The following PKHD1L1 variants were observed in gnomAD, a reference collection of about 807,000 sequenced individuals.
PKHD1L1 encodes the protein fibrocystin-L.
A neutral mutation model predicts 462.9 loss-of-function variants in PKHD1L1; 434 were observed. The ratio of observed to expected loss-of-function variants is 0.94; its 90% CI spans 0.87 to 1.02. The LOEUF is 1.02. Among genes scored for constraint, PKHD1L1 ranks in the 50% least tolerant of loss-of-function variants. The probability of loss-of-function intolerance (pLI) is 0.00; values close to 1 mark genes in which losing one functional copy is unlikely to be tolerated. For missense variants in PKHD1L1, 5,202 were observed against 5,096.1 expected (o/e 1.02, Z -0.63); for synonymous variants, 1,781 against 1,750.0 (o/e 1.02, Z -0.44).
At chr8:109,502,607 T>C (rs1819483017) in intron 67 of PKHD1L1, among the ~76,000 whole-genome samples, 1 of 152,216 alleles carries the variant, frequency 6.6e-6, no homozygotes, top group Non-Finnish European at 1.5e-5. Context: ...GTTCCTCTGA[T>C]CTTACACTTA....
intron 30 of PKHD1L1, 49 bp from the exon 31 acceptor site, chr8:109,438,275 T>C: frequency 7.6e-7 from 1 of 1,315,840 alleles, no homozygotes; most frequent in African/African-American, 1.5e-5. Flanking sequence ...CCCTTGCATT[T>C]CTGTATCTCA....
At chr8:109,425,920 T>C (rs1814723128) in intron 24 of PKHD1L1, among the ~76,000 whole-genome samples, 1 of 152,152 alleles carries the variant, frequency 6.6e-6, no homozygotes, top group African/African-American at 2.4e-5. Context: ...TGGTTTTGTT[T>C]TCTTTCTAAA....
At chr8:109,431,277 A>T (rs1276908926) in intron 27 of PKHD1L1, among the ~76,000 whole-genome samples, 1 of 152,174 alleles carries the variant, frequency 6.6e-6, no homozygotes, top group Admixed American at 6.5e-5. Flanking sequence ...GATCATTTTT[A>T]AAATTGTGAA....
rs375552925 is a variant in PKHD1L1, at chr8:109,523,394, C to T, written c.12484+8C>T. The T allele has an allele frequency of 3.1e-6, 5 of 1,605,026 alleles. No homozygotes were observed. Among genetic ancestry groups the T allele is most frequent in the African/African-American group, 1.3e-5 (1 of 74,546 alleles). On this transcript the variant is annotated splice_region_variant and intron_variant, in intron 76 of 77. Coordinates refer to ENST00000378402, the MANE Select transcript of PKHD1L1 (RefSeq NM_177531.6). The stretch of plus-strand genomic sequence containing the variant: ...TTACTCCCCTTAGAACAGGTGGGTG[C>T]ACTATTTTGGATCCTCACATATATA...
At chr8:109,498,835 C>A in intron 67 of PKHD1L1, 64 bp downstream of exon 67, 2 of 1,315,266 alleles carry the variant, frequency 1.5e-6, no homozygotes, top group Non-Finnish European at 1.1e-6. Context: ...TAGAGGATAA[C>A]TAATAATGTT....
intron 56 of PKHD1L1, 53 bp downstream of exon 56, chr8:109,481,615 A>AACAGAGCC: frequency 6.9e-7 from 1 of 1,449,488 alleles, no homozygotes; most frequent in Non-Finnish European, 9.1e-7. Flanking sequence ...AATCTACTTT[A>AACAGAGCC]AAATATATGG....
At position 109,413,439 on chromosome 8, in the gene PKHD1L1, G is replaced by T; in HGVS notation, c.2254G>T (p.Gly752Ter). ...TATGTAGTTATGTTTAGCATACAAAGGATTCCTGGCAAATTATATTGGTCT... is the reference window on the plus strand; with the variant it reads ...TATGTAGTTATGTTTAGCATACAAATGATTCCTGGCAAATTATATTGGTCT... ...PYNQLCLAYKGFLANYIGLKF... is the reference protein window; with the variant it reads ...PYNQLCLAYK The change falls in exon 21 of 78, where the codon GGA becomes TGA. Residue 752 changes from glycine (G) to a stop codon, truncating the protein, a stop_gained. Coordinates refer to ENST00000378402, the MANE Select transcript of PKHD1L1 (RefSeq NM_177531.6). LOFTEE classifies it high-confidence loss of function. The T allele has an allele frequency of 6.4e-7, 1 of 1,555,078 alleles. No homozygotes were observed. The highest frequency in any genetic ancestry group is 8.8e-7 in the Non-Finnish European group (1 of 1,142,150).
intron 1 of PKHD1L1, among the ~76,000 whole-genome samples, chr8:109,363,805 T>A (rs1043927681): frequency 6.6e-6 from 1 of 152,210 alleles, no homozygotes; most frequent in African/African-American, 2.4e-5. Context: ...GGAAGGGGCA[T>A]GTCTTCTTTA....
chr8:109,396,022 C>G lies in PKHD1L1; in HGVS notation c.812-5C>G. On this transcript the variant is annotated splice_polypyrimidine_tract_variant and splice_region_variant and intron_variant, in intron 10 of 77. Transcript: ENST00000378402. ...GATATTTTATTTAATGTGGTTTTCC[C>G]CCAGAGGTCACCATGATTTTCCCTT... 6.3e-7 allele frequency: 1 copy of G among 1,575,448 alleles called. No homozygotes were observed. The highest frequency in any genetic ancestry group is 8.7e-7 in the Non-Finnish European group (1 of 1,155,770).
At chr8:109,486,115 T>G (rs1238392699) in intron 58 of PKHD1L1, among the ~76,000 whole-genome samples, 1 of 151,988 alleles carries the variant, frequency 6.6e-6, no homozygotes, top group Admixed American at 6.6e-5. Context: ...GATGTAAATG[T>G]ACAGATGGTG....
At chr8:109,364,115 C>A (rs1811110696) in intron 1 of PKHD1L1, among the ~76,000 whole-genome samples, 1 of 152,320 alleles carries the variant, frequency 6.6e-6, no homozygotes, top group East Asian at 1.9e-4. Flanking sequence ...TGTACCTGGT[C>A]TAGTCTTTCA....
chr8:109,504,542 T>C, intron 68 of PKHD1L1, 50 bp downstream of exon 68: 2 of 1,151,886 alleles, frequency 1.7e-6, no homozygotes, highest in Non-Finnish European at 2.4e-6. Flanking sequence ...TTTTTCATTC[T>C]CACTTCCTCC....
rs370309799 is a variant in PKHD1L1 at position 109,420,528 on chromosome 8, G to T, written c.2535G>T (p.Lys845Asn). Residue 845 changes from lysine to asparagine, a missense_variant, in exon 23 of 78, where the codon AAG (lysine) becomes AAT (asparagine). Lys to Asn is a moderately conservative substitution (Grantham distance 94). Transcript: ENST00000378402. ...ATTTATATTCTTTAGAAATGCCCAA[G>T]AGAAGACTTCCTGCATTAGCAAATA... ...STISTLDEMP[K>N]RRLPALANKG... The T allele has an allele frequency of 6.3e-7, 1 of 1,582,290 alleles. No individual in the cohort carries two copies. The highest frequency in any genetic ancestry group is 1.4e-5 in the African/African-American group (1 of 72,888).
intron 16 of PKHD1L1, 142 bp downstream of exon 16, chr8:109,405,272 G>A: frequency 5.8e-6 from 3 of 512,860 alleles, no homozygotes; most frequent in East Asian, 3.5e-5. Context: ...AATGTATTAT[G>A]GAAAAAAGCC....
In PKHD1L1 at chr8:109,445,160, A is replaced by T; in HGVS notation, c.5291A>T (p.Lys1764Ile). The change falls in exon 38 of 78, where the codon AAA becomes ATA. Residue 1764 changes from lysine (K) to isoleucine (I), a missense_variant. Physicochemically the swap from Lys to Ile is moderately radical, Grantham distance 102 (BLOSUM62 -3). This residue lies in a region of PKHD1L1 where 4,497 missense variants were observed against 4,336.8 expected (regional missense o/e 1.04). Coordinates refer to ENST00000378402, the MANE Select transcript of PKHD1L1 (RefSeq NM_177531.6). The part of the protein sequence containing the change: ...VFPNSVIGSV[K>I]VLIEGEGLGT... Reference sequence around the variant, plus strand: ...CCAAACTCTGTCATAGGATCTGTAAAAGTTCTTATTGAAGGAGAAGGTTTG... The same window carrying T: ...CCAAACTCTGTCATAGGATCTGTAATAGTTCTTATTGAAGGAGAAGGTTTG... The T allele has an allele frequency of 6.2e-7, 1 of 1,613,926 alleles. No individual in the cohort carries two copies. The highest frequency in any genetic ancestry group is 8.5e-7 in the Non-Finnish European group (1 of 1,179,866).
intron 73 of PKHD1L1, among the ~76,000 whole-genome samples, chr8:109,520,087 G>A (rs923763071): frequency 6.6e-6 from 1 of 152,132 alleles, no homozygotes; most frequent in African/African-American, 2.4e-5. Flanking sequence ...CTGTGGGAAG[G>A]CTTGCCTGTG....
At chr8:109,434,883 G>GT (rs33943770) in intron 28 of PKHD1L1, among the ~76,000 whole-genome samples, 39 of 150,564 alleles carry the variant, frequency 2.6e-4, no homozygotes, top group South Asian at 8.4e-4. Flanking sequence ...TTATAAACTA[G>GT]TTTTTTTTTT....
intron 17 of PKHD1L1, among the ~76,000 whole-genome samples, chr8:109,407,630 C>T (rs954386537): frequency 6.6e-6 from 1 of 152,136 alleles, no homozygotes. Flanking sequence ...TCCTGGAATT[C>T]AGCTTTGTGC....
chr8:109,428,582 C>A lies in PKHD1L1; in HGVS notation c.3001-758C>A, dbSNP rs535187560. Among the ~76,000 whole-genome samples, 18 of 152,224 alleles carry A rather than the reference C, an allele frequency of 1.2e-4. No individual in the cohort carries two copies. The South Asian group carries it at 3.7e-3, about 32-fold the overall frequency. Reference sequence around the variant, plus strand: ...TTTAAAAAAAATACATGGCTGGGAACTGAAATTAGAGAACTCCACAATGAA... The same window carrying A: ...TTTAAAAAAAATACATGGCTGGGAAATGAAATTAGAGAACTCCACAATGAA... On this transcript the variant is annotated intron_variant, in intron 25 of 77. Coordinates refer to ENST00000378402, the MANE Select transcript of PKHD1L1 (RefSeq NM_177531.6).
Sources: allele counts gnomAD v4.1 joint callset (sites outside exome capture counted in the v4.1 genomes callset), GRCh38; gene constraint gnomAD v4.1.1; regional missense constraint gnomAD v4.1.1; transcripts MANE v1.5; gene names NCBI Gene and HGNC (gene_info 2026-07-23, HGNC 2026-07-21).